The following NUP98 variants were observed in gnomAD, a reference collection of about 807,000 sequenced individuals.
NUP98 encodes nucleoporin 98 and 96 precursor.
A neutral mutation model predicts 191.9 loss-of-function variants in NUP98; 26 were observed. The ratio of observed to expected loss-of-function variants is 0.14; its 90% CI spans 0.10 to 0.19. The LOEUF is 0.19. Among genes scored for constraint, NUP98 ranks in the 10% least tolerant of loss-of-function variants. The pLI is 1.00. For synonymous variants in NUP98, 808 were observed against 778.4 expected, an observed-to-expected ratio of 1.04 and a Z score of -0.63; for missense variants, 1,941 against 2,178.8, an observed-to-expected ratio of 0.89 and a Z score of 2.17.
At chr11:3,767,032 T>G (rs887238192) in intron 8 of NUP98, among the ~76,000 whole-genome samples, 12 of 152,160 alleles carry the variant, frequency 7.9e-5, no homozygotes, top group African/African-American at 2.9e-4. Context: ...TGGCAAAATC[T>G]CGGCTCACCG....
At chr11:3,724,025 A>C (rs2079513838) in intron 15 of NUP98, among the ~76,000 whole-genome samples, 1 of 152,064 alleles carries the variant, frequency 6.6e-6, no homozygotes, top group Non-Finnish European at 1.5e-5. Flanking sequence ...AGAAAAGACA[A>C]ATATATTCAT....
In NUP98 at chr11:3,712,593, G is replaced by A. The variant is rs2079051588; in HGVS notation, c.2713C>T (p.Leu905Phe). The change falls in exon 20 of 33, where the codon CTT (leucine) becomes TTT (phenylalanine). Residue 905 changes from leucine to phenylalanine, a missense_variant. By Grantham distance (22) the Leu-to-Phe change is conservative. This residue lies in a region of NUP98 where 1,030 missense variants were observed against 1,115.8 expected (regional missense o/e 0.92). Coordinates refer to ENST00000324932, the MANE Select transcript of NUP98 (RefSeq NM_016320.5). ...ASQTTPLQMALNGKPAPPPQS... is the reference protein window; with the variant it reads ...ASQTTPLQMAFNGKPAPPPQS... Reference sequence around the variant, plus strand: ...GGTGGAGGTGCAGGTTTGCCATTAAGAGCCATCTGCAAGGGCGTAGTCTGG... The same window carrying A: ...GGTGGAGGTGCAGGTTTGCCATTAAAAGCCATCTGCAAGGGCGTAGTCTGG... 6.2e-7 allele frequency: 1 copy of A among 1,613,934 alleles called. No homozygotes were observed. The highest frequency in any genetic ancestry group is 8.5e-7 in the Non-Finnish European group (1 of 1,179,984).
chr11:3,725,370 C>T lies in NUP98; in HGVS notation c.1731-151G>A, dbSNP rs563722138. On this transcript the variant is annotated intron_variant, in intron 14 of 32. Coordinates refer to ENST00000324932, the MANE Select transcript of NUP98 (RefSeq NM_016320.5). ...ACCTAACAAGTTTCATTTATAAACG[C>T]TTCCTAGGATTGTATAGCCAAAACA... 6 of 541,204 alleles carry T rather than the reference C, an allele frequency of 1.1e-5. No homozygotes were observed. The East Asian group carries it at 1.4e-4, about 13-fold the overall frequency. The allele number at this position is 541,204 out of a possible 1,614,324, so 33.5% of individuals were successfully genotyped here.
intron 18 of NUP98, among the ~76,000 whole-genome samples, chr11:3,717,839 T>C (rs2079241963): frequency 6.6e-6 from 1 of 152,048 alleles, no homozygotes; most frequent in Non-Finnish European, 1.5e-5. Context: ...ATGATGATGA[T>C]GATGATGTGG....
intron 14 of NUP98, among the ~76,000 whole-genome samples, chr11:3,726,763 G>C (rs1036932881): frequency 6.6e-6 from 1 of 151,406 alleles, no homozygotes; most frequent in African/African-American, 2.4e-5. Flanking sequence ...GTTACCATCA[G>C]ATTAGATTAC....
At chr11:3,724,464 C>A (rs1256190381) in intron 15 of NUP98, among the ~76,000 whole-genome samples, 1 of 149,202 alleles carries the variant, frequency 6.7e-6, no homozygotes, top group African/African-American at 2.5e-5. Context: ...AAATAAATTT[C>A]TGATATGAAA....
rs77346630 is a variant in NUP98, at chr11:3,701,231, T to C, written c.3513-392A>G. Among the ~76,000 whole-genome samples, 705 of 151,590 alleles carry C rather than the reference T, an allele frequency of 4.7e-3. 1 individual carries two copies. The highest frequency in any genetic ancestry group is 0.016 in the African/African-American group (673 of 41,274). On this transcript the variant is annotated intron_variant, in intron 23 of 32. Transcript: ENST00000324932. ...AACTGATTCTAAATTACAATGAGCATATAGCTAAGCTAGGCTTGTTCCAAT... is the reference window on the plus strand; with the variant it reads ...AACTGATTCTAAATTACAATGAGCACATAGCTAAGCTAGGCTTGTTCCAAT...
rs557904450 is a variant in NUP98, at chr11:3,715,156, GT to G, written c.2400-1162del. On this transcript the variant is annotated intron_variant, in intron 18 of 32. Coordinates refer to ENST00000324932, the MANE Select transcript of NUP98 (RefSeq NM_016320.5). ...CACATTGGCAGACACATGGCAATTTGTTTCTTATTAGACTGAGTCTCGCTCT... is the reference window on the plus strand; with the variant it reads ...CACATTGGCAGACACATGGCAATTTGTTCTTATTAGACTGAGTCTCGCTCT... 1.6e-4 allele frequency among the ~76,000 whole-genome samples: 25 copies of G among 152,244 alleles called. 1 individual carries two copies. In the South Asian group the frequency reaches 5.0e-3, roughly 30 times the overall value.
chr11:3,692,979 A>G (rs1452924335), intron 27 of NUP98: 2 of 375,074 alleles, frequency 5.3e-6, no homozygotes, highest in Non-Finnish European at 9.5e-6. Flanking sequence ...ATAACAGGGA[A>G]TTCCCAAAGA....
rs771552499 is a variant in NUP98 at position 3,693,218 on chromosome 11, T to A, written c.4311+14A>T. On this transcript the variant is annotated intron_variant, in intron 27 of 32. Transcript: ENST00000324932. ...CCAGCAAGATTTTTGCTTGGCTCTATTGGCCACATATACCTGAAATGCTTC... is the reference window on the plus strand; with the variant it reads ...CCAGCAAGATTTTTGCTTGGCTCTAATGGCCACATATACCTGAAATGCTTC... The A allele has an allele frequency of 6.8e-6, 11 of 1,613,578 alleles. No homozygotes were observed. Among genetic ancestry groups the A allele is most frequent in the Non-Finnish European group, 9.3e-6 (11 of 1,179,656 alleles).
chr11:3,791,533 CAAAAAA>C (rs71041395), intron 1 of NUP98, among the ~76,000 whole-genome samples: 2 of 67,200 alleles, frequency 3.0e-5, no homozygotes, highest in Non-Finnish European at 2.7e-5. Context: ...GACCTCGTCT[CAAAAAA>C]AAAAAAAAAA....
chr11:3,749,306 C>T (rs1433255184), intron 11 of NUP98, among the ~76,000 whole-genome samples: 2 of 150,474 alleles, frequency 1.3e-5, no homozygotes, highest in Admixed American at 1.3e-4. Flanking sequence ...CAGAGCGAGA[C>T]TCCGTCTCAA....
intron 19 of NUP98, among the ~76,000 whole-genome samples, chr11:3,713,136 G>C (rs1415058289): frequency 6.6e-6 from 1 of 152,160 alleles, no homozygotes; most frequent in African/African-American, 2.4e-5. Flanking sequence ...ATTACGGACA[G>C]TCAACCTCTT....
chr11:3,693,470 A>AC, intron 26 of NUP98, 95 bp from the exon 27 acceptor site: 1 of 1,222,616 alleles, frequency 8.2e-7, no homozygotes, highest in Non-Finnish European at 1.2e-6. Context: ...TATTCAAGGA[A>AC]CATTTTAAAT....
At chr11:3,710,063 A>C (rs1001495770) in intron 20 of NUP98, among the ~76,000 whole-genome samples, 4 of 151,402 alleles carry the variant, frequency 2.6e-5, no homozygotes, top group Admixed American at 6.6e-5. Flanking sequence ...CAAAGGCCTG[A>C]GGTCTTTCAA....
chr11:3,736,094 G>GTA (rs2080046040), intron 12 of NUP98, among the ~76,000 whole-genome samples: 1 of 146,254 alleles, frequency 6.8e-6, no homozygotes, highest in Non-Finnish European at 1.5e-5. Flanking sequence ...GTGTGTGTGT[G>GTA]TGTGTTTTGT....
At chr11:3,720,597 C>T in intron 17 of NUP98, 115 bp downstream of exon 17, 1 of 558,452 alleles carries the variant, frequency 1.8e-6, no homozygotes, top group East Asian at 3.1e-5. Flanking sequence ...AAGATTCAGG[C>T]CAAGGTGGGC....
At chr11:3,724,910 G>C (rs1007389190) in intron 15 of NUP98, among the ~76,000 whole-genome samples, 193 bp downstream of exon 15, 1 of 151,682 alleles carries the variant, frequency 6.6e-6, no homozygotes, top group African/African-American at 2.4e-5. Flanking sequence ...CACTAAATCA[G>C]AACTCCAATA....
chr11:3,694,324 T>C (rs1043614019), intron 26 of NUP98, among the ~76,000 whole-genome samples: 6 of 151,442 alleles, frequency 4.0e-5, no homozygotes, highest in Non-Finnish European at 5.9e-5. Flanking sequence ...TGAGCCAAGA[T>C]TGTGCCACTC....
Sources: gnomAD v4.1 joint callset for allele counts (sites outside exome capture counted in the v4.1 genomes callset) on GRCh38, gnomAD v4.1.1 for gene constraint, gnomAD v4.1.1 regional missense constraint, MANE v1.5 for transcripts, NCBI Gene and HGNC (gene_info 2026-07-23, HGNC 2026-07-21) for gene names.